PPAT: variants seen among roughly 807,000 people sequenced by gnomAD.
PPAT encodes phosphoribosyl pyrophosphate amidotransferase, also known as amidophosphoribosyltransferase.
Under a neutral mutation model 60.2 loss-of-function variants are expected in PPAT, and 20 were observed. The ratio of observed to expected loss-of-function variants is 0.33; its 90% confidence interval spans 0.23 to 0.48. The LOEUF (loss-of-function observed/expected upper bound fraction) is 0.48. Among genes scored for constraint, PPAT ranks in the 20% least tolerant of loss-of-function variants. PPAT has a pLI of 0.99. For missense variants in PPAT, 349 were observed against 629.6 expected, an observed-to-expected ratio of 0.55 and a Z score of 4.77; for synonymous variants, 194 against 215.1, an observed-to-expected ratio of 0.90 and a Z score of 0.86.
chr4:56,402,820 CAAAAAAAA>C (rs556899549), intron 5 of PPAT, among the ~76,000 whole-genome samples: 1,197 of 43,888 alleles, frequency 0.027, 14 homozygotes, highest in African/African-American at 0.093. Context: ...ACTCGGTCTC[CAAAAAAAA>C]AAAAAAAAAA....
chr4:56,429,283 C>G (rs1208603518), intron 1 of PPAT, among the ~76,000 whole-genome samples: 6 of 152,180 alleles, frequency 3.9e-5, no homozygotes, highest in Non-Finnish European at 8.8e-5. Flanking sequence ...AGTTAGGTAA[C>G]TGTTTGGTTA....
chr4:56,428,129 A>T (rs904273593), intron 1 of PPAT, among the ~76,000 whole-genome samples: 1 of 152,224 alleles, frequency 6.6e-6, no homozygotes, highest in Admixed American at 6.5e-5. Flanking sequence ...TTTGACTCAT[A>T]TTGAAGTTAT....
rs775503595 is a variant in PPAT, at chr4:56,402,074, G to T, written c.734+35C>A. On this transcript the variant is annotated intron_variant, in intron 6 of 10. Transcript: ENST00000264220. ...TCTAAAAAAAATTCTTTTCAACATG[G>T]GAAAATAAAATATGTCAAACAAGGT... 21 of 1,469,882 alleles carry T rather than the reference G, an allele frequency of 1.4e-5. No individual in the cohort carries two copies. The East Asian group carries it at 4.9e-4, about 34-fold the overall frequency. The allele number at this position is 1,469,882 out of a possible 1,614,324, so 91.1% of individuals were successfully genotyped here. A position where few individuals can be genotyped will look rare whatever the true frequency, so the allele number is the denominator to read the frequency against.
chr4:56,407,690 G>C lies in PPAT; in HGVS notation c.155C>G (p.Thr52Ser), dbSNP rs757843468. 6.2e-7 allele frequency: 1 copy of C among 1,606,126 alleles called. No individual in the cohort carries two copies. The highest frequency in any genetic ancestry group is 1.1e-5 in the South Asian group (1 of 90,932). The change falls in exon 2 of 11, where the codon ACT (threonine) becomes AGT (serine). Residue 52 changes from threonine (T) to serine (S), a missense_variant. Thr to Ser is a moderately conservative substitution (Grantham distance 58). Coordinates refer to ENST00000264220, the MANE Select transcript of PPAT (RefSeq NM_002703.5). ...TGTTGGCACCGAACTCCCATCACTA[G>C]TCACAATACCAGCACTCTCCTGACC... ...HRGQESAGIV[T>S]SDGSSVPTFK... is the part of the protein sequence containing the mutation.
chr4:56,419,630 A>C (rs962613193), intron 1 of PPAT: 2 of 975,596 alleles, frequency 2.1e-6, no homozygotes, highest in Non-Finnish European at 2.4e-6. Context: ...CTACGTCAGT[A>C]TTGGAACCCT....
chr4:56,414,331 C>G (rs889396969), intron 1 of PPAT: 26 of 152,210 alleles, frequency 1.7e-4, no homozygotes, highest in African/African-American at 5.8e-4. Context: ...GGATAGGCCA[C>G]TTGTTAGGCA....
intron 8 of PPAT, chr4:56,399,710 T>A (rs1716067188): frequency 1.0e-5 from 2 of 197,956 alleles, no homozygotes; most frequent in South Asian, 3.2e-4. Context: ...AAAATGATAA[T>A]TTTTAAAGAA....
At position 56,400,886 on chromosome 4, in the gene PPAT, G is replaced by A; in HGVS notation, c.912C>T (p.Tyr304=). The A allele has an allele frequency of 5.6e-6, 9 of 1,612,342 alleles. No homozygotes were observed. The highest frequency in any genetic ancestry group is 7.6e-6 in the Non-Finnish European group (9 of 1,178,424). ...FEDQMVYTVR[Y]RCGQQLAIEA... Reference sequence around the variant, plus strand: ...CAATCGCTAGCTGCTGGCCACAACGGTATCTTACTGTATAAACCATTTGGT... The same window carrying A: ...CAATCGCTAGCTGCTGGCCACAACGATATCTTACTGTATAAACCATTTGGT... Residue 304 remains tyrosine, a synonymous_variant, in exon 8 of 11, where the codon TAC becomes TAT. Transcript: ENST00000264220.
intron 8 of PPAT, chr4:56,400,566 C>A (rs6846937): frequency 1.5e-5 from 6 of 407,128 alleles, no homozygotes; most frequent in South Asian, 4.3e-5. Context: ...CTTTAGTGAA[C>A]GTTTTTTTCT....
intron 1 of PPAT, among the ~76,000 whole-genome samples, chr4:56,412,148 C>G (rs1196288930): frequency 2.0e-5 from 3 of 152,072 alleles, no homozygotes; most frequent in African/African-American, 7.2e-5. Flanking sequence ...GCCAATATCT[C>G]AACTTCTTAA....
At chr4:56,414,036 TAC>T (rs1483099116) in intron 1 of PPAT, among the ~76,000 whole-genome samples, 1 of 152,230 alleles carries the variant, frequency 6.6e-6, no homozygotes, top group African/African-American at 2.4e-5. Context: ...TATACAATTT[TAC>T]AAACTGACCA....
intron 1 of PPAT, 145 bp downstream of exon 1, chr4:56,435,205 C>G: frequency 1.6e-6 from 2 of 1,239,408 alleles, no homozygotes; most frequent in Non-Finnish European, 1.1e-6. Flanking sequence ...CCTAGGCAAC[C>G]CGGTCGACGC....
Position 56,431,456 on chromosome 4 carries a change from G to A in PPAT, c.128+3894C>T, listed in dbSNP as rs115820157. On this transcript the variant is annotated intron_variant, in intron 1 of 10. Transcript: ENST00000264220. ...TAAATCTCTTAAGAAAAGTGCTCCT[G>A]AGATCATTACAAATCAGTTTCCTCA... The A allele has an allele frequency of 2.8e-3, 2,742 of 977,718 alleles. 43 individuals carry two copies. In the African/African-American group the frequency reaches 0.037, roughly 13 times the overall value. The allele number at this position is 977,718 out of a possible 1,614,324, so 60.6% of individuals were successfully genotyped here.
chr4:56,406,422 A>G (rs549458873), intron 3 of PPAT, 73 bp downstream of exon 3: 1 of 1,478,764 alleles, frequency 6.8e-7, no homozygotes, highest in African/African-American at 1.4e-5. Flanking sequence ...CTTTACAAAG[A>G]TCCTTAACTT....
intron 1 of PPAT, among the ~76,000 whole-genome samples, chr4:56,427,623 A>T (rs1717356454): frequency 6.7e-6 from 1 of 149,534 alleles, no homozygotes; most frequent in African/African-American, 2.5e-5. Context: ...CCTCGGCAAC[A>T]TAGTGAGACC....
At chr4:56,425,162 G>A (rs56356367) in intron 1 of PPAT, among the ~76,000 whole-genome samples, 3 of 152,052 alleles carry the variant, frequency 2.0e-5, no homozygotes, top group African/African-American at 4.8e-5. Context: ...CAAAGGGTAC[G>A]CTAAGAATTA....
chr4:56,434,119 T>A (rs1008296999), intron 1 of PPAT, among the ~76,000 whole-genome samples: 1 of 152,230 alleles, frequency 6.6e-6, no homozygotes, highest in African/African-American at 2.4e-5. Context: ...AAATCTATTA[T>A]GGTCAACCCA....
At chr4:56,411,864 C>A (rs1716479056) in intron 1 of PPAT, among the ~76,000 whole-genome samples, 1 of 152,144 alleles carries the variant, frequency 6.6e-6, no homozygotes, top group South Asian at 2.1e-4. Flanking sequence ...CTTAAGTTAG[C>A]TATTTTTCAT....
intron 6 of PPAT, among the ~76,000 whole-genome samples, chr4:56,401,876 A>G (rs1031091117): frequency 2.6e-5 from 4 of 152,170 alleles, no homozygotes; most frequent in African/African-American, 9.7e-5. Context: ...AATAAAGAAA[A>G]TAAGTTTCAT....
Sources: gnomAD v4.1 joint callset for allele counts (sites outside exome capture counted in the v4.1 genomes callset) on GRCh38, gnomAD v4.1.1 for gene constraint, MANE v1.5 for transcripts, NCBI Gene and HGNC (gene_info 2026-07-23, HGNC 2026-07-21) for gene names.